The following SAMD15 variants were observed in gnomAD, a reference collection of about 807,000 sequenced individuals.
The protein encoded by SAMD15 is sterile alpha motif domain containing 15.
In SAMD15, 37 loss-of-function variants were observed where a neutral mutation model predicts 50.5. That is an observed-to-expected ratio of 0.73 (90% CI 0.56 to 0.96). SAMD15 has a LOEUF of 0.96. Among genes scored for constraint, SAMD15 ranks in the 40% least tolerant of loss-of-function variants. The pLI, the probability that SAMD15 is intolerant of heterozygous loss-of-function variation, is 0.00. For synonymous variants in SAMD15, 255 were observed against 282.8 expected, an observed-to-expected ratio of 0.90 and a Z score of 0.99; for missense variants, 789 against 783.8, an observed-to-expected ratio of 1.01 and a Z score of -0.08.
Position 77,377,492 on chromosome 14 carries a change from T to C in SAMD15, c.74T>C (p.Leu25Pro), listed in dbSNP as rs543793624. ...DGELEPERPE[L>P]PGLHKLYENA... ...GAGCTGGAGCCTGAGAGGCCTGAACTGCCTGGACTTCATAAATTGTATGAA... is the reference window on the plus strand; with the variant it reads ...GAGCTGGAGCCTGAGAGGCCTGAACCGCCTGGACTTCATAAATTGTATGAA... Residue 25 changes from leucine to proline, a missense_variant, in exon 1 of 3, where the codon CTG (leucine) becomes CCG (proline). By Grantham distance (98) the Leu-to-Pro change is moderately conservative. Around this residue, in one of 2 missense-constraint regions of SAMD15, gnomAD observed 770 missense variants for 745.4 expected, o/e 1.03. Coordinates refer to ENST00000216471, the MANE Select transcript of SAMD15 (RefSeq NM_001010860.4). The C allele has an allele frequency of 1.5e-5, 24 of 1,614,136 alleles. No individual in the cohort carries two copies. In the South Asian group the frequency reaches 2.3e-4, roughly 16 times the overall value.
In SAMD15 at chr14:77,378,094, G is replaced by A. The variant is rs1187290391; in HGVS notation, c.676G>A (p.Glu226Lys). 2 of 1,613,960 alleles carry A rather than the reference G, an allele frequency of 1.2e-6. No homozygotes were observed. The highest frequency in any genetic ancestry group is 1.7e-6 in the Non-Finnish European group (2 of 1,180,012). Reference sequence around the variant, plus strand: ...AAGTGAGAAACTAGGAGAATCACTTGAAGAGACAGATCTTCAGCCACCAAA... The same window carrying A: ...AAGTGAGAAACTAGGAGAATCACTTAAAGAGACAGATCTTCAGCCACCAAA... The part of the protein sequence containing the change: ...FPSEKLGESL[E>K]ETDLQPPKMT... Residue 226 changes from glutamate to lysine, a missense_variant, in exon 1 of 3, where the codon GAA (glutamate) becomes AAA (lysine). Glu to Lys is a moderately conservative substitution (Grantham distance 56). Around this residue, in one of 2 missense-constraint regions of SAMD15, gnomAD observed 770 missense variants for 745.4 expected, o/e 1.03. Coordinates refer to ENST00000216471, the MANE Select transcript of SAMD15 (RefSeq NM_001010860.4).
In SAMD15 at chr14:77,379,101, A is replaced by G. The variant is rs141174879; in HGVS notation, c.1683A>G (p.Gln561=). 1.9e-6 allele frequency: 3 copies of G among 1,608,666 alleles called. 1 individual carries two copies. The highest frequency in any genetic ancestry group is 8.5e-7 in the Non-Finnish European group (1 of 1,177,898). ...AEWISQLGFP[Q]YKECFITNFI... is the part of the protein sequence containing the mutation. ...GGATTAGCCAGCTAGGCTTCCCTCA[A>G]TACAAGGTATACAAAAATAAGATGT... The change falls in exon 1 of 3, where the codon CAA becomes CAG. Residue 561 remains glutamine, a synonymous_variant. Transcript: ENST00000216471.
intron 2 of SAMD15, among the ~76,000 whole-genome samples, chr14:77,384,909 G>C (rs547141919): frequency 6.6e-6 from 1 of 152,140 alleles, no homozygotes; most frequent in Non-Finnish European, 1.5e-5. Context: ...GGGGCCGGGC[G>C]TGGTGGCTCA....
intron 2 of SAMD15, among the ~76,000 whole-genome samples, chr14:77,390,687 C>T (rs551698971): frequency 1.3e-5 from 2 of 152,078 alleles, no homozygotes; most frequent in South Asian, 2.1e-4. Context: ...GTCAAAAGTT[C>T]GAGACCAGCC....
Position 77,378,524 on chromosome 14 carries a change from A to AG in SAMD15, c.1107dup (p.Lys370GlufsTer23), listed in dbSNP as rs1555361363. On this transcript the variant is annotated frameshift_variant, in exon 1 of 3. Transcript: ENST00000216471. LOFTEE classifies it high-confidence loss of function. ...CCAGAAGAGATAAGAAAGTCAAATG[A>AG]GAAAAAAAATCCACAGCCACCAGAG... is the stretch of plus-strand genomic sequence containing the variant. 1 of 1,613,690 alleles carries AG rather than the reference A, an allele frequency of 6.2e-7. No homozygotes were observed. The highest frequency in any genetic ancestry group is 8.5e-7 in the Non-Finnish European group (1 of 1,179,968).
At chr14:77,382,935 C>T (rs574362294) in intron 2 of SAMD15, among the ~76,000 whole-genome samples, 1 of 112,308 alleles carries the variant, frequency 8.9e-6, no homozygotes, top group African/African-American at 5.2e-5. Context: ...ATGCTGGTCT[C>T]GACCTCCTGA....
chr14:77,377,651 A>C lies in SAMD15; in HGVS notation c.233A>C (p.Lys78Thr). ...EPDSAKNVQL[K>T]PGGTSQEGIA... ...GACAGTGCTAAGAACGTGCAGCTGA[A>C]ACCTGGCGGGACGTCCCAGGAAGGA... Residue 78 changes from lysine to threonine, a missense_variant, in exon 1 of 3, where the codon AAA (lysine) becomes ACA (threonine). Physicochemically the swap from Lys to Thr is moderately conservative, Grantham distance 78. This residue lies in a region of SAMD15 where 770 missense variants were observed against 745.4 expected (regional missense o/e 1.03). Coordinates refer to ENST00000216471, the MANE Select transcript of SAMD15 (RefSeq NM_001010860.4). 1 of 1,614,218 alleles carries C rather than the reference A, an allele frequency of 6.2e-7. No individual in the cohort carries two copies. Among genetic ancestry groups the C allele is most frequent in the East Asian group, 2.2e-5 (1 of 44,890 alleles).
chr14:77,388,546 GCTGGGACTACAGGCATGCAACTTCACGA>G (rs1894033794), intron 2 of SAMD15, among the ~76,000 whole-genome samples: 1 of 151,540 alleles, frequency 6.6e-6, no homozygotes, highest in African/African-American at 2.4e-5. Context: ...CTCCCAAGTA[GCTGGGACTACAGGCATGCAACTTCACGA>G]CTGGCTTTTT....
chr14:77,379,775 T>G (rs970159315), intron 1 of SAMD15, among the ~76,000 whole-genome samples: 7 of 152,226 alleles, frequency 4.6e-5, no homozygotes, highest in Non-Finnish European at 1.5e-5. Flanking sequence ...GTTATTTTAG[T>G]GGCAGCTCCC....
intron 2 of SAMD15, among the ~76,000 whole-genome samples, chr14:77,389,360 C>A (rs1319203640): frequency 2.6e-5 from 4 of 151,988 alleles, no homozygotes; most frequent in Admixed American, 6.6e-5. Context: ...CAAAAAAGTC[C>A]ATTCCAAATA....
In SAMD15 at chr14:77,378,355, C is replaced by A; in HGVS notation, c.937C>A (p.Pro313Thr). ...ELPERTKPDF[P>T]DHKPRKSTDE... ...ACCTGAGCGGACTAAACCAGACTTT[C>A]CAGACCACAAGCCAAGAAAGTCTAC... is the stretch of plus-strand genomic sequence containing the variant. Residue 313 changes from proline (P) to threonine (T), a missense_variant, in exon 1 of 3, where the codon CCA (proline) becomes ACA (threonine). This residue lies in a region of SAMD15 where 770 missense variants were observed against 745.4 expected (regional missense o/e 1.03). Coordinates refer to ENST00000216471, the MANE Select transcript of SAMD15 (RefSeq NM_001010860.4). The A allele has an allele frequency of 6.2e-7, 1 of 1,613,032 alleles. No homozygotes were observed.
At chr14:77,385,294 C>CT (rs1004372628) in intron 2 of SAMD15, among the ~76,000 whole-genome samples, 61 of 148,506 alleles carry the variant, frequency 4.1e-4, no homozygotes, top group East Asian at 5.9e-4. Context: ...TTTCTTTTTT[C>CT]TTTTTTTTTG....
intron 2 of SAMD15, among the ~76,000 whole-genome samples, chr14:77,383,721 C>G (rs1489144054): frequency 1.3e-5 from 2 of 152,200 alleles, no homozygotes; most frequent in Admixed American, 1.3e-4. Flanking sequence ...GCCTGTAATC[C>G]CAGCACTTTG....
In SAMD15 at chr14:77,391,367, T is replaced by A. The variant is rs1894071046; in HGVS notation, c.*123T>A. 1 of 644,466 alleles carries A rather than the reference T, an allele frequency of 1.6e-6. No homozygotes were observed. The highest frequency in any genetic ancestry group is 2.1e-5 in the South Asian group (1 of 47,476). The allele number at this position is 644,466 out of a possible 1,614,324, so 39.9% of individuals were successfully genotyped here. A position where few individuals can be genotyped will look rare whatever the true frequency, so the allele number is the denominator to read the frequency against. ...TTATTTTTTTGAGACAGAGTCTTGC[T>A]CTGTCGCCCAGGCTGGAGTGCAATG... On this transcript the variant is annotated 3_prime_UTR_variant, in exon 3 of 3. Transcript: ENST00000216471.
intron 1 of SAMD15, 38 bp from the exon 2 acceptor site, chr14:77,380,345 A>C: frequency 8.1e-7 from 1 of 1,240,170 alleles, no homozygotes; most frequent in South Asian, 1.2e-5. Context: ...TTCTATTTGC[A>C]GTACATTTTT....
At chr14:77,382,067 G>A (rs1254218894) in intron 2 of SAMD15, among the ~76,000 whole-genome samples, 1 of 151,632 alleles carries the variant, frequency 6.6e-6, no homozygotes, top group Middle Eastern at 3.2e-3. Flanking sequence ...CCCCCAAGTA[G>A]CTGGGACTAC....
chr14:77,389,038 T>C (rs1894040234), intron 2 of SAMD15, among the ~76,000 whole-genome samples: 1 of 152,000 alleles, frequency 6.6e-6, no homozygotes. Context: ...ATAATTGTGC[T>C]TTTGCATATC....
intron 2 of SAMD15, among the ~76,000 whole-genome samples, chr14:77,383,996 A>C (rs1418358738): frequency 1.3e-5 from 2 of 151,046 alleles, no homozygotes; most frequent in Non-Finnish European, 3.0e-5. Flanking sequence ...AAAAAAAAAA[A>C]AAAAAAACCT....
rs567748694 is a variant in SAMD15, at chr14:77,377,379, G to A, written c.-40G>A. On this transcript the variant is annotated 5_prime_UTR_variant, in exon 1 of 3. Coordinates refer to ENST00000216471, the MANE Select transcript of SAMD15 (RefSeq NM_001010860.4). ...ATCCATAGAGACGCTATCGGAAGTT[G>A]GGGTTGCTAGGAAGCCGCGGCGCGT... 2.6e-6 allele frequency: 4 copies of A among 1,559,928 alleles called. No individual in the cohort carries two copies. Among genetic ancestry groups the A allele is most frequent in the South Asian group, 2.4e-5 (2 of 82,140 alleles).
Sources: allele counts gnomAD v4.1 joint callset (sites outside exome capture counted in the v4.1 genomes callset), GRCh38; gene constraint gnomAD v4.1.1; regional missense constraint gnomAD v4.1.1; transcripts MANE v1.5; gene names NCBI Gene and HGNC (gene_info 2026-07-23, HGNC 2026-07-21).